Variants in CEP89 observed in about 807,000 individuals in gnomAD.
CEP89 encodes the protein centrosomal protein of 89 kDa.
Under a neutral mutation model 97.6 loss-of-function variants are expected in CEP89, and 95 were observed. That is an observed-to-expected ratio of 0.97 (90% CI 0.82 to 1.15). CEP89 has a LOEUF of 1.15. Ranked by LOEUF, CEP89 falls within the 50% of genes most tolerant of loss-of-function variation. CEP89 has a pLI of 0.00. For synonymous variants in CEP89, 354 were observed against 349.1 expected, an observed-to-expected ratio of 1.01 and a Z score of -0.16; for missense variants, 869 against 947.7, an observed-to-expected ratio of 0.92 and a Z score of 1.09.
intron 1 of CEP89, among the ~76,000 whole-genome samples, chr19:32,966,667 A>G (rs904053757): frequency 6.6e-6 from 1 of 152,082 alleles, no homozygotes; most frequent in African/African-American, 2.4e-5. Context: ...GCATCATGAT[A>G]GCTGCTCATT....
chr19:32,915,309 A>G (rs570248042), intron 14 of CEP89, 28 bp downstream of exon 14: 9 of 1,559,946 alleles, frequency 5.8e-6, no homozygotes, highest in Middle Eastern at 1.7e-4. Flanking sequence ...AGAAAAAAAA[A>G]AAAAAAGAAA....
At position 32,960,063 on chromosome 19, in the gene CEP89, G is replaced by A. The variant is rs541441488; in HGVS notation, c.147-5C>T. On this transcript the variant is annotated splice_region_variant and splice_polypyrimidine_tract_variant and intron_variant, in intron 2 of 18. Coordinates refer to ENST00000305768, the MANE Select transcript of CEP89 (RefSeq NM_032816.5). ...ATGGCTGCTGCCAGAGCAGATCTGC[G>A]GACAAAAACATCCCATGGAGACAGT... 22 of 1,613,834 alleles carry A rather than the reference G, an allele frequency of 1.4e-5. No individual in the cohort carries two copies. Among genetic ancestry groups the A allele is most frequent in the East Asian group, 4.5e-5 (2 of 44,894 alleles).
intron 14 of CEP89, among the ~76,000 whole-genome samples, chr19:32,903,645 A>C (rs1160505335): frequency 6.6e-6 from 1 of 152,196 alleles, no homozygotes; most frequent in Non-Finnish European, 1.5e-5. Context: ...GTGAAGTTGA[A>C]GAGAGATAGT....
At chr19:32,901,061 A>G (rs528939882) in intron 15 of CEP89, among the ~76,000 whole-genome samples, 184 bp downstream of exon 15, 1 of 151,418 alleles carries the variant, frequency 6.6e-6, no homozygotes, top group African/African-American at 2.4e-5. Flanking sequence ...TAATTTTTGT[A>G]TTTTTAGTAG....
intron 4 of CEP89, among the ~76,000 whole-genome samples, chr19:32,950,958 G>A (rs1261589457): frequency 6.6e-6 from 1 of 152,164 alleles, no homozygotes; most frequent in Admixed American, 6.6e-5. Flanking sequence ...CTAATCTCAG[G>A]TTATTTTTAA....
intron 6 of CEP89, among the ~76,000 whole-genome samples, chr19:32,938,305 G>T (rs1190944407): frequency 2.0e-5 from 3 of 152,154 alleles, no homozygotes; most frequent in Non-Finnish European, 2.9e-5. Context: ...AGGTAGGGCT[G>T]CAAGTGCTGA....
chr19:32,965,495 A>G (rs1971261936), intron 2 of CEP89, among the ~76,000 whole-genome samples: 1 of 151,866 alleles, frequency 6.6e-6, no homozygotes, highest in Non-Finnish European at 1.5e-5. Flanking sequence ...TGAGCCCAGG[A>G]TTTCAGCCTG....
At position 32,881,896 on chromosome 19, in the gene CEP89, G is replaced by C. The variant is rs1285798168; in HGVS notation, c.2083C>G (p.Gln695Glu). Residue 695 changes from glutamine to glutamate, a missense_variant, in exon 18 of 19, where the codon CAG becomes GAG. Gln to Glu is a conservative substitution (Grantham distance 29). Transcript: ENST00000305768. ...QYRQEMRHLH[Q>E]VLKDKQEVLD... ...ACCTCCTGCTTGTCCTTCAGCACCT[G>C]GTGCAGGTGCCGCATCTCCTGCCGG... The C allele has an allele frequency of 3.7e-6, 6 of 1,606,456 alleles. No homozygotes were observed. Among genetic ancestry groups the C allele is most frequent in the Non-Finnish European group, 4.2e-6 (5 of 1,178,872 alleles).
chr19:32,941,333 T>C (rs1970682022), intron 5 of CEP89, among the ~76,000 whole-genome samples: 1 of 151,692 alleles, frequency 6.6e-6, no homozygotes, highest in African/African-American at 2.4e-5. Flanking sequence ...TGAAACCCCA[T>C]CTCTACTAAA....
Position 32,966,353 on chromosome 19 carries a change from TAC to T in CEP89, c.146+5_146+6del. On this transcript the variant is annotated splice_donor_5th_base_variant and intron_variant, in intron 2 of 18. Coordinates refer to ENST00000305768, the MANE Select transcript of CEP89 (RefSeq NM_032816.5). ...GTGACCTCAGTGCCTGCTCATCTGA[TAC>T]TCACCTTGGTCTCTCTGGAGATGGG... The T allele has an allele frequency of 6.7e-7, 1 of 1,501,302 alleles. No homozygotes were observed. The highest frequency in any genetic ancestry group is 9.0e-7 in the Non-Finnish European group (1 of 1,110,788). The allele number at this position is 1,501,302 out of a possible 1,614,324, so 93.0% of individuals were successfully genotyped here.
At chr19:32,926,850 C>T in intron 10 of CEP89, 84 bp downstream of exon 10, 1 of 1,209,098 alleles carries the variant, frequency 8.3e-7, no homozygotes, top group South Asian at 1.3e-5. Context: ...ACATGAGCCA[C>T]CGCGCCTGGC....
chr19:32,926,843 T>G (rs950605893), intron 10 of CEP89, 91 bp downstream of exon 10: 115 of 1,111,368 alleles, frequency 1.0e-4, no homozygotes, highest in Non-Finnish European at 1.4e-4. Context: ...ATTACAGACA[T>G]GAGCCACCGC....
At chr19:32,887,901 A>G (rs1448208066) in intron 16 of CEP89, 60 bp from the exon 17 acceptor site, 1 of 995,060 alleles carries the variant, frequency 1.0e-6, no homozygotes, top group Non-Finnish European at 1.6e-6. Context: ...ATAACAAACA[A>G]TTATTTTGCA....
chr19:32,880,632 T>C (rs1055766626), intron 18 of CEP89, among the ~76,000 whole-genome samples: 70 of 95,140 alleles, frequency 7.4e-4, no homozygotes, highest in African/African-American at 2.9e-3. Context: ...GAGCAAGACC[T>C]TGTATTTAAA....
intron 2 of CEP89, among the ~76,000 whole-genome samples, chr19:32,965,568 T>C (rs1599786488): frequency 6.6e-6 from 1 of 151,490 alleles, no homozygotes; most frequent in Admixed American, 6.6e-5. Context: ...TGGTGGTACA[T>C]GCCTGTAGTC....
intron 5 of CEP89, among the ~76,000 whole-genome samples, chr19:32,942,024 C>T (rs533459254): frequency 3.7e-4 from 57 of 152,276 alleles, no homozygotes; most frequent in South Asian, 1.2e-3. Flanking sequence ...CTTCTATGTC[C>T]CCCTTAAATT....
At chr19:32,954,018 A>G (rs1599774287) in intron 3 of CEP89, among the ~76,000 whole-genome samples, 1 of 151,460 alleles carries the variant, frequency 6.6e-6, no homozygotes, top group Admixed American at 6.6e-5. Flanking sequence ...ACAGGTGCCC[A>G]CCACCGCGCC....
At chr19:32,956,712 G>C (rs78272101) in intron 3 of CEP89, among the ~76,000 whole-genome samples, 2,389 of 152,174 alleles carry the variant, frequency 0.016, 71 homozygotes, top group African/African-American at 0.055. Flanking sequence ...TAAAATTAAA[G>C]TCCTGACTTT....
At chr19:32,958,011 A>C (rs1971083943) in intron 3 of CEP89, among the ~76,000 whole-genome samples, 2 of 116,874 alleles carry the variant, frequency 1.7e-5, no homozygotes, top group Non-Finnish European at 1.7e-5. Flanking sequence ...AAAACAAAAA[A>C]ATCCCCCCCC....
Sources: gnomAD v4.1 joint callset for allele counts (sites outside exome capture counted in the v4.1 genomes callset) on GRCh38, gnomAD v4.1.1 for gene constraint, MANE v1.5 for transcripts, NCBI Gene and HGNC (gene_info 2026-07-23, HGNC 2026-07-21) for gene names.